SLC4A4: variants seen among roughly 807,000 people sequenced by gnomAD.
SLC4A4 encodes electrogenic sodium bicarbonate cotransporter 1.
SLC4A4 carries 27 observed loss-of-function variants against 111.5 expected under a neutral mutation model. That is an observed-to-expected ratio of 0.24 (90% CI 0.18 to 0.33). The LOEUF is 0.33. Among genes scored for constraint, SLC4A4 ranks in the 10% least tolerant of loss-of-function variants. The probability of loss-of-function intolerance (pLI) is 1.00; values close to 1 mark genes in which losing one functional copy is unlikely to be tolerated. For synonymous variants in SLC4A4, 443 were observed against 463.4 expected (o/e 0.96, Z 0.57); for missense variants, 909 against 1,315.5 (o/e 0.69, Z 4.78).
At chr4:71,458,112 C>T (rs940023752) in intron 12 of SLC4A4, among the ~76,000 whole-genome samples, 1 of 152,014 alleles carries the variant, frequency 6.6e-6, no homozygotes, top group Non-Finnish European at 1.5e-5. Flanking sequence ...GGTTGCCAAA[C>T]AAGTATACTG....
intron 12 of SLC4A4, 68 bp downstream of exon 12, chr4:71,453,737 G>C (rs1299154879): frequency 1.4e-6 from 2 of 1,438,440 alleles, no homozygotes; most frequent in East Asian, 4.6e-5. Context: ...CTACAGCTCA[G>C]TTAGAAGCAG....
At chr4:71,521,030 AT>A (rs1232931400) in intron 16 of SLC4A4, among the ~76,000 whole-genome samples, 1 of 152,036 alleles carries the variant, frequency 6.6e-6, no homozygotes, top group Non-Finnish European at 1.5e-5. Context: ...TCTGATCAAA[AT>A]TTTAAAGTCA....
chr4:71,346,337 A>T (rs1182786515), intron 4 of SLC4A4, among the ~76,000 whole-genome samples: 1 of 152,084 alleles, frequency 6.6e-6, no homozygotes, highest in Non-Finnish European at 1.5e-5. Context: ...TCTGAAACAA[A>T]TTTTTCTGTA....
chr4:71,171,050 T>A (rs1407023164), intron 2 of SLC4A4, among the ~76,000 whole-genome samples: 2 of 152,268 alleles, frequency 1.3e-5, no homozygotes, highest in Non-Finnish European at 1.5e-5. Flanking sequence ...ATACAGCTGG[T>A]TGAAGCCATG....
At chr4:71,271,480 A>C (rs1203766061) in intron 3 of SLC4A4, among the ~76,000 whole-genome samples, 1 of 152,218 alleles carries the variant, frequency 6.6e-6, no homozygotes, top group East Asian at 1.9e-4. Context: ...TATGGGTGGA[A>C]ATAGAAACCA....
intron 2 of SLC4A4, among the ~76,000 whole-genome samples, chr4:71,179,136 C>A (rs1396599496): frequency 1.3e-5 from 2 of 152,122 alleles, no homozygotes; most frequent in African/African-American, 4.8e-5. Context: ...CAGAAAAGGC[C>A]TTTGACAAAA....
At chr4:71,162,841 T>C (rs1744647104) in intron 2 of SLC4A4, among the ~76,000 whole-genome samples, 1 of 152,214 alleles carries the variant, frequency 6.6e-6, no homozygotes, top group South Asian at 2.1e-4. Flanking sequence ...AAACATTTAT[T>C]TGCTATTTCA....
intron 14 of SLC4A4, among the ~76,000 whole-genome samples, chr4:71,484,895 G>A (rs1461829959): frequency 6.6e-6 from 1 of 151,672 alleles, no homozygotes; most frequent in Non-Finnish European, 1.5e-5. Flanking sequence ...GTATTCCCTA[G>A]GCATTTATTC....
intron 2 of SLC4A4, among the ~76,000 whole-genome samples, chr4:71,146,636 A>G (rs1488156143): frequency 1.3e-5 from 2 of 152,100 alleles, no homozygotes; most frequent in Non-Finnish European, 1.5e-5. Context: ...GTGCTCCTGT[A>G]TTGGGTGCAT....
intron 2 of SLC4A4, among the ~76,000 whole-genome samples, chr4:71,153,053 A>AT (rs532222999): frequency 0.044 from 6,435 of 146,812 alleles, 186 homozygotes; most frequent in East Asian, 0.081. Flanking sequence ...ATATATATAT[A>AT]AAAATAAAAG....
chr4:71,235,421 T>C (rs988591350), intron 1 of SLC4A4, among the ~76,000 whole-genome samples: 1 of 152,186 alleles, frequency 6.6e-6, no homozygotes, highest in African/African-American at 2.4e-5. Flanking sequence ...CCTGAGCATA[T>C]AATTGGATGA....
Position 71,187,349 on chromosome 4 carries a change from G to A in SLC4A4, c.-54G>A, listed in dbSNP as rs1020690783. 1.3e-5 allele frequency: 2 copies of A among 152,944 alleles called. No homozygotes were observed. Among genetic ancestry groups the A allele is most frequent in the Non-Finnish European group, 2.9e-5 (2 of 68,490 alleles). 9.5% of individuals were successfully genotyped at this position (152,944 alleles called of 1,614,324 possible). ...GGCGGCAGTGGCAGTGGCCGCTGCA[G>A]CCCCACACTCCGCCGCCAAACTGGA... On this transcript the variant is annotated 5_prime_UTR_variant, in exon 1 of 26. Coordinates refer to ENST00000264485, the MANE Select transcript of SLC4A4 (RefSeq NM_001098484.3).
chr4:71,418,455 C>G (rs1404904714), intron 7 of SLC4A4, among the ~76,000 whole-genome samples: 1 of 152,206 alleles, frequency 6.6e-6, no homozygotes, highest in Non-Finnish European at 1.5e-5. Flanking sequence ...TTCATACACA[C>G]TGGAAATCTC....
At chr4:71,335,953 T>C (rs971887527) in intron 3 of SLC4A4, among the ~76,000 whole-genome samples, 1 of 152,230 alleles carries the variant, frequency 6.6e-6, no homozygotes, top group Non-Finnish European at 1.5e-5. Flanking sequence ...CTGGTATTGG[T>C]TTATGTGCTA....
intron 3 of SLC4A4, among the ~76,000 whole-genome samples, chr4:71,311,924 A>AGAGAGAGAGAGAGG (rs1348466279): frequency 6.6e-5 from 10 of 151,388 alleles, no homozygotes; most frequent in Non-Finnish European, 1.3e-4. Context: ...AGAGAGAGAG[A>AGAGAGAGAGAGAGG]GAGAGAGAGA....
At chr4:71,255,164 T>A (rs1470935378) in intron 2 of SLC4A4, 56 bp from the exon 3 acceptor site, 21 of 1,445,510 alleles carry the variant, frequency 1.5e-5, no homozygotes, top group Non-Finnish European at 2.0e-5. Context: ...TTGTGCAATT[T>A]GTCTGCAGTA....
intron 6 of SLC4A4, among the ~76,000 whole-genome samples, chr4:71,388,122 T>C (rs1306928513): frequency 6.6e-6 from 1 of 152,214 alleles, no homozygotes; most frequent in Non-Finnish European, 1.5e-5. Flanking sequence ...CTAGCTAGCA[T>C]AGGCTTGCTG....
intron 6 of SLC4A4, among the ~76,000 whole-genome samples, chr4:71,363,007 C>T (rs934585430): frequency 1.2e-4 from 19 of 152,184 alleles, no homozygotes; most frequent in Admixed American, 4.6e-4. Flanking sequence ...TCCACTTGCT[C>T]CCATTATGGG....
intron 1 of SLC4A4, among the ~76,000 whole-genome samples, chr4:71,229,687 C>T (rs1037805902): frequency 1.2e-4 from 19 of 152,100 alleles, no homozygotes; most frequent in African/African-American, 3.4e-4. Flanking sequence ...TCAGTTTTGC[C>T]GCACCGATGT....
Sources: allele counts gnomAD v4.1 joint callset (sites outside exome capture counted in the v4.1 genomes callset), GRCh38; gene constraint gnomAD v4.1.1; transcripts MANE v1.5; gene names NCBI Gene and HGNC (gene_info 2026-07-23, HGNC 2026-07-21).